SPAG9: variants seen among roughly 807,000 people sequenced by gnomAD.
SPAG9 encodes the protein sperm associated antigen 9.
In SPAG9, 35 loss-of-function variants were observed where a neutral mutation model predicts 166.5. The observed-to-expected ratio is 0.21, with a 90% CI of 0.16 to 0.28. SPAG9 has a LOEUF of 0.28. Ranked by LOEUF, SPAG9 falls within the 10% of genes least tolerant of loss-of-function variation. SPAG9 has a pLI of 1.00. For synonymous variants in SPAG9, 534 were observed against 565.5 expected, an observed-to-expected ratio of 0.94 and a Z score of 0.79; for missense variants, 1,235 against 1,603.3, an observed-to-expected ratio of 0.77 and a Z score of 3.92.
At chr17:50,987,767 A>G (rs1385875735) in intron 21 of SPAG9, among the ~76,000 whole-genome samples, 1 of 152,228 alleles carries the variant, frequency 6.6e-6, no homozygotes, top group African/African-American at 2.4e-5. Context: ...ACACATACAA[A>G]TAGTAGGGAG....
At chr17:51,077,101 G>GCTATCTAGCTATCTAGCTAGCTAGCTAT (rs1491297561) in intron 2 of SPAG9, among the ~76,000 whole-genome samples, 1 of 102,076 alleles carries the variant, frequency 9.8e-6, no homozygotes, top group African/African-American at 5.7e-5. Context: ...TATCTATCTA[G>GCTATCTAGCTATCTAGCTAGCTAGCTAT]CTAGCTATCT....
intron 3 of SPAG9, 52 bp downstream of exon 3, chr17:51,056,360 T>C: frequency 9.8e-7 from 1 of 1,018,394 alleles, no homozygotes; most frequent in African/African-American, 1.6e-5. Flanking sequence ...TTTTCTAAGG[T>C]TCATTTCTTT....
chr17:51,037,691 T>TATATATATATA (rs1179792305), intron 5 of SPAG9, among the ~76,000 whole-genome samples: 43 of 90,674 alleles, frequency 4.7e-4, no homozygotes, highest in Admixed American at 7.4e-4. Flanking sequence ...ATATAGTGTG[T>TATATATATATA]GTGTGTGTGT....
intron 9 of SPAG9, chr17:51,007,746 G>C (rs892757451): frequency 7.4e-6 from 3 of 404,564 alleles, no homozygotes; most frequent in East Asian, 1.4e-4. Flanking sequence ...TGACCTCGTA[G>C]GCTTTTGCCT....
intron 23 of SPAG9, 104 bp from the exon 24 acceptor site, chr17:50,985,094 G>A (rs1466372162): frequency 1.1e-6 from 1 of 889,270 alleles, no homozygotes; most frequent in Non-Finnish European, 1.9e-6. Context: ...AATCTGTGAT[G>A]AGTTAAGGAG....
Position 51,120,321 on chromosome 17 carries a change from A to C in SPAG9, c.303+33T>G. 6.9e-7 allele frequency: 1 copy of C among 1,457,052 alleles called. No homozygotes were observed. Among genetic ancestry groups the C allele is most frequent in the Non-Finnish European group, 9.2e-7 (1 of 1,091,128 alleles). 90.3% of individuals were successfully genotyped at this position (1,457,052 alleles called of 1,614,324 possible). A position where few individuals can be genotyped will look rare whatever the true frequency, so the allele number is the denominator to read the frequency against. On this transcript the variant is annotated intron_variant, in intron 1 of 29. Transcript: ENST00000262013. The surrounding 1 kb of genome is among the most constrained non-coding windows in gnomAD (Gnocchi z 4.7). Reference sequence around the variant, plus strand: ...CCGCCCCGGCCGCCCCCGGAGACGGATCCCGCGGCCCCCGCCCTGCCGCCG... The same window carrying C: ...CCGCCCCGGCCGCCCCCGGAGACGGCTCCCGCGGCCCCCGCCCTGCCGCCG...
In SPAG9 at chr17:50,990,570, C is replaced by T. The variant is rs1975459453; in HGVS notation, c.2497G>A (p.Ala833Thr). The T allele has an allele frequency of 6.2e-7, 1 of 1,614,090 alleles. No individual in the cohort carries two copies. The highest frequency in any genetic ancestry group is 8.5e-7 in the Non-Finnish European group (1 of 1,180,024). The change falls in exon 20 of 30, where the codon GCA becomes ACA. Residue 833 changes from alanine (A) to threonine (T), a missense_variant. Transcript: ENST00000262013. ...LCGSMTSNSS[A>T]ETDSLLGGIT... ...CCTCCTAACAGGCTGTCTGTCTCTG[C>T]TGAGCTGTTGCTTGTCATACTTCCA...
At chr17:51,082,377 C>CAAAAAA (rs773287286) in intron 1 of SPAG9, among the ~76,000 whole-genome samples, 1 of 48,962 alleles carries the variant, frequency 2.0e-5, no homozygotes, top group Non-Finnish European at 3.7e-5. Flanking sequence ...AAGACTGTCT[C>CAAAAAA]AAAAAAAAAA....
At chr17:51,020,071 T>G in intron 8 of SPAG9, 88 bp downstream of exon 8, 1 of 726,186 alleles carries the variant, frequency 1.4e-6, no homozygotes, top group South Asian at 1.6e-5. Context: ...AACATCTGAA[T>G]CCATTTTGTC....
At chr17:51,044,838 A>T (rs1400435103) in intron 4 of SPAG9, among the ~76,000 whole-genome samples, 1 of 152,144 alleles carries the variant, frequency 6.6e-6, no homozygotes, top group Non-Finnish European at 1.5e-5. Context: ...TTGACAATTT[A>T]ATCTTAATAT....
At chr17:51,073,858 TTTGGGAGGCCGAGGTGGGCGGA>T in intron 2 of SPAG9, among the ~76,000 whole-genome samples, 1 of 152,076 alleles carries the variant, frequency 6.6e-6, no homozygotes, top group Admixed American at 6.5e-5. Flanking sequence ...ATCCCAACAC[TTTGGGAGGCCGAGGTGGGCGGA>T]CCACAAGGTC....
intron 13 of SPAG9, among the ~76,000 whole-genome samples, chr17:51,000,853 C>CTAGTTA (rs1240120108): frequency 6.6e-6 from 1 of 152,130 alleles, no homozygotes; most frequent in Admixed American, 6.5e-5. Context: ...CTAAATACTG[C>CTAGTTA]AGTTAAGAAC....
At position 51,102,381 on chromosome 17, in the gene SPAG9, G is replaced by T. The variant is rs370550170; in HGVS notation, c.303+17973C>A. Reference sequence around the variant, plus strand: ...ATCATGACTCTTCACTCCAGCCTGGGTGACAGTGTGAGACTCTGTCTGCAA... The same window carrying T: ...ATCATGACTCTTCACTCCAGCCTGGTTGACAGTGTGAGACTCTGTCTGCAA... On this transcript the variant is annotated intron_variant, in intron 1 of 29. Transcript: ENST00000262013. 2.2e-3 allele frequency among the ~76,000 whole-genome samples: 324 copies of T among 149,494 alleles called. 1 individual carries two copies. Among genetic ancestry groups the T allele is most frequent in the African/African-American group, 7.7e-3 (313 of 40,666 alleles).
chr17:51,046,069 T>C (rs2144442178), intron 4 of SPAG9, among the ~76,000 whole-genome samples: 1 of 152,316 alleles, frequency 6.6e-6, no homozygotes, highest in Middle Eastern at 3.4e-3. Context: ...TGAAACTCTA[T>C]CATTCAAAGG....
rs57533555 is a variant in SPAG9 at position 51,075,195 on chromosome 17, CAAAAAAAAAAAA to C, written c.424+4377_424+4388del. Among the ~76,000 whole-genome samples the C allele has an allele frequency of 7.4e-3, 213 of 28,972 alleles. 1 individual carries two copies. The highest frequency in any genetic ancestry group is 0.01 in the Non-Finnish European group (156 of 15,594). The allele number at this position is 28,972 out of a possible 152,430, so 19.0% of individuals were successfully genotyped here. A position where few individuals can be genotyped will look rare whatever the true frequency, so the allele number is the denominator to read the frequency against. On this transcript the variant is annotated intron_variant, in intron 2 of 29. Coordinates refer to ENST00000262013, the MANE Select transcript of SPAG9 (RefSeq NM_001130528.3). ...TGGGCAACAGAGCCAGACTCCATCT[CAAAAAAAAAAAA>C]AAAAAAAAAAAAAAGAAGAAGAAGA... is the stretch of plus-strand genomic sequence containing the variant.
intron 6 of SPAG9, among the ~76,000 whole-genome samples, chr17:51,024,364 AATTAT>A (rs1003561253): frequency 2.0e-5 from 3 of 152,206 alleles, no homozygotes; most frequent in African/African-American, 7.2e-5. Flanking sequence ...TGTACATATT[AATTAT>A]AATATATTGT....
At position 50,964,002 on chromosome 17, in the gene SPAG9, CA is replaced by C. The variant is rs543496126; in HGVS notation, c.*2269del. On this transcript the variant is annotated 3_prime_UTR_variant, in exon 30 of 30. Coordinates refer to ENST00000262013, the MANE Select transcript of SPAG9 (RefSeq NM_001130528.3). Reference sequence around the variant, plus strand: ...AGTGGCTACAATTTTATTGTGTACACAATGTGCTTATAGTCACATGTGGCCC... The same window carrying C: ...AGTGGCTACAATTTTATTGTGTACACATGTGCTTATAGTCACATGTGGCCC... The C allele has an allele frequency of 2.4e-3, 365 of 152,312 alleles. 1 individual carries two copies. The highest frequency in any genetic ancestry group is 7.8e-3 in the African/African-American group (325 of 41,560). The allele number at this position is 152,312 out of a possible 1,614,324, so 9.4% of individuals were successfully genotyped here.
chr17:51,036,156 C>T lies in SPAG9; in HGVS notation c.742-4434G>A, dbSNP rs554051645. The stretch of plus-strand genomic sequence containing the variant: ...TATTGAACCCTTCTTGTAAGCATAG[C>T]AACAACCCAGTCTCTCCCATTCTAT... On this transcript the variant is annotated intron_variant, in intron 5 of 29. Transcript: ENST00000262013. Among the ~76,000 whole-genome samples the T allele has an allele frequency of 4.4e-4, 67 of 152,226 alleles. 1 individual carries two copies. In the South Asian group the frequency reaches 9.5e-3, roughly 22 times the overall value.
chr17:51,018,410 A>C (rs991697080), intron 8 of SPAG9, among the ~76,000 whole-genome samples: 4 of 152,100 alleles, frequency 2.6e-5, no homozygotes, highest in Non-Finnish European at 4.4e-5. Context: ...ACCACTAAAC[A>C]GCCTTCCCAT....
Sources: allele counts gnomAD v4.1 joint callset (sites outside exome capture counted in the v4.1 genomes callset), GRCh38; gene constraint gnomAD v4.1.1; non-coding constraint Gnocchi (gnomAD v3.1); transcripts MANE v1.5; gene names NCBI Gene and HGNC (gene_info 2026-07-23, HGNC 2026-07-21).